Variants in TPP1 observed in about 807,000 individuals in gnomAD.
The protein encoded by TPP1 is tripeptidyl-peptidase 1.
A neutral mutation model predicts 67.6 loss-of-function variants in TPP1; 43 were observed. The ratio of observed to expected loss-of-function variants is 0.64; its 90% CI spans 0.50 to 0.82. TPP1 has a LOEUF of 0.82. TPP1 is among the 40% of genes least tolerant of loss of function. The probability of loss-of-function intolerance (pLI) is 0.00; values close to 1 mark genes in which losing one functional copy is unlikely to be tolerated. For missense variants in TPP1, 671 were observed against 710.9 expected (o/e 0.94, Z 0.64); for synonymous variants, 272 against 281.5 (o/e 0.97, Z 0.34).
At chr11:6,618,051 G>T in intron 3 of TPP1, 1 of 510,106 alleles carries the variant, frequency 2.0e-6, no homozygotes, top group South Asian at 2.2e-5. Context: ...AAATGAATGA[G>T]GTTAATACAT....
In TPP1 at chr11:6,613,950, G is replaced by C. The variant is rs1398431506; in HGVS notation, c.*596C>G. ...TGTTCCAGGGGACAATGAGTAAACTGAGAAGAGCAAAAATCTACAAATGGA... is the reference window on the plus strand; with the variant it reads ...TGTTCCAGGGGACAATGAGTAAACTCAGAAGAGCAAAAATCTACAAATGGA... On this transcript the variant is annotated 3_prime_UTR_variant, in exon 13 of 13. Transcript: ENST00000299427. 1 of 158,200 alleles carries C rather than the reference G, an allele frequency of 6.3e-6. No individual in the cohort carries two copies. The highest frequency in any genetic ancestry group is 1.9e-4 in the East Asian group (1 of 5,322). The allele number at this position is 158,200 out of a possible 1,614,324, so 9.8% of individuals were successfully genotyped here. A position where few individuals can be genotyped will look rare whatever the true frequency, so the allele number is the denominator to read the frequency against.
rs775734455 is a variant in TPP1 at position 6,617,789 on chromosome 11, A to T, written c.230-13T>A. On this transcript the variant is annotated splice_polypyrimidine_tract_variant and intron_variant, in intron 3 of 12. Coordinates refer to ENST00000299427, the MANE Select transcript of TPP1 (RefSeq NM_000391.4). ...GTCAGGTATTTTCCTGCAGGGATTC[A>T]GAAGAGGCACTTGCCCTCATTCATT... The T allele has an allele frequency of 1.2e-6, 2 of 1,614,156 alleles. No individual in the cohort carries two copies. Among genetic ancestry groups the T allele is most frequent in the Non-Finnish European group, 1.7e-6 (2 of 1,180,028 alleles).
intron 3 of TPP1, chr11:6,617,990 G>A: frequency 1.6e-6 from 1 of 629,044 alleles, no homozygotes; most frequent in East Asian, 2.8e-5. Context: ...TTACCCTAAA[G>A]GCCAGTAAGT....
chr11:6,616,929 AC>A (rs762967896), intron 6 of TPP1, 45 bp downstream of exon 6: 2 of 1,614,082 alleles, frequency 1.2e-6, no homozygotes, highest in Middle Eastern at 1.6e-4. Context: ...AATTGAGGAC[AC>A]TGTGGGGAGG....
chr11:6,615,098 G>A, intron 11 of TPP1, 73 bp downstream of exon 11: 8 of 1,613,820 alleles, frequency 5.0e-6, no homozygotes, highest in Non-Finnish European at 4.2e-6. Flanking sequence ...GGGGTTCTAG[G>A]TGCAAGGTGT....
intron 10 of TPP1, 33 bp downstream of exon 10, chr11:6,615,409 T>C (rs1388086017): frequency 6.2e-7 from 1 of 1,614,050 alleles, no homozygotes; most frequent in African/African-American, 1.3e-5. Flanking sequence ...ATCCTCACTC[T>C]TACCCTGCAT....
At chr11:6,615,881 AG>A (rs2134592678) in intron 9 of TPP1, 123 bp downstream of exon 9, 2 of 1,115,184 alleles carry the variant, frequency 1.8e-6, no homozygotes, top group East Asian at 4.9e-5. Context: ...TACAGCAACC[AG>A]GGCAGGCAAA....
rs755386210 is a variant in TPP1 at position 6,616,398 on chromosome 11, G to C, written c.992C>G (p.Ser331Cys). 1.1e-5 allele frequency: 17 copies of C among 1,613,880 alleles called. No individual in the cohort carries two copies. Among genetic ancestry groups the C allele is most frequent in the Non-Finnish European group, 1.4e-5 (17 of 1,180,022 alleles). ...CCGCTGGATGTAGGCGCTGCTGAGG[G>C]AGTCCTCATCATCTCCATAGCTCAC... ...HTVSYGDDED[S>C]LSSAYIQRVN... The change falls in exon 8 of 13, where the codon TCC (serine) becomes TGC (cysteine). Residue 331 changes from serine to cysteine, a missense_variant. Transcript: ENST00000299427.
Position 6,614,417 on chromosome 11 carries a change from G to A in TPP1, c.*129C>T. On this transcript the variant is annotated 3_prime_UTR_variant, in exon 13 of 13. Transcript: ENST00000299427. ...CAAGTCAAGCTCACAGCATTTCAGG[G>A]TTAGGGAGATAAGCTGTCTGCAGCA... The A allele has an allele frequency of 7.6e-7, 1 of 1,309,418 alleles. No homozygotes were observed. Among genetic ancestry groups the A allele is most frequent in the Non-Finnish European group, 1.1e-6 (1 of 927,654 alleles). The allele number at this position is 1,309,418 out of a possible 1,614,324, so 81.1% of individuals were successfully genotyped here. A position where few individuals can be genotyped will look rare whatever the true frequency, so the allele number is the denominator to read the frequency against.
chr11:6,619,335 T>C (rs1855634810), intron 1 of TPP1, 49 bp downstream of exon 1: 1 of 1,614,140 alleles, frequency 6.2e-7, no homozygotes, highest in Admixed American at 1.7e-5. Context: ...TCCCAATGTG[T>C]GCTCCCTCCA....
chr11:6,616,660 C>A lies in TPP1; in HGVS notation c.886+1G>T. ...CCACTGTCCAGTCCTCTTGGTAGTA[C>A]CAGGGCTACTGTAGACCCAGGTGGA... On this transcript the variant is annotated splice_donor_variant, in intron 7 of 12. Coordinates refer to ENST00000299427, the MANE Select transcript of TPP1 (RefSeq NM_000391.4). LOFTEE classifies it high-confidence loss of function. The A allele has an allele frequency of 6.2e-7, 1 of 1,614,040 alleles. No individual in the cohort carries two copies. The highest frequency in any genetic ancestry group is 8.5e-7 in the Non-Finnish European group (1 of 1,179,996).
chr11:6,614,444 TC>T lies in TPP1; in HGVS notation c.*101del. 6.6e-7 allele frequency: 1 copy of T among 1,518,732 alleles called. No homozygotes were observed. The allele number at this position is 1,518,732 out of a possible 1,614,324, so 94.1% of individuals were successfully genotyped here. On this transcript the variant is annotated 3_prime_UTR_variant, in exon 13 of 13. Coordinates refer to ENST00000299427, the MANE Select transcript of TPP1 (RefSeq NM_000391.4). Reference sequence around the variant, plus strand: ...TAGGGAGATAAGCTGTCTGCAGCAGTCAATAGTTGAGGGTTCAGCAGGGCTT... The same window carrying T: ...TAGGGAGATAAGCTGTCTGCAGCAGTAATAGTTGAGGGTTCAGCAGGGCTT...
intron 6 of TPP1, 21 bp downstream of exon 6, chr11:6,616,954 G>A (rs888318613): frequency 1.9e-6 from 3 of 1,614,132 alleles, no homozygotes; most frequent in South Asian, 1.1e-5. Flanking sequence ...TGAGGACCCT[G>A]GGGCTCTTTG....
At chr11:6,616,558 G>A in intron 7 of TPP1, 55 bp from the exon 8 acceptor site, 3 of 1,597,298 alleles carry the variant, frequency 1.9e-6, no homozygotes, top group Non-Finnish European at 2.6e-6. Context: ...AGTCACTGGG[G>A]GTTGTCAGGA....
At chr11:6,617,974 A>C in intron 3 of TPP1, 198 bp from the exon 4 acceptor site, 3 of 680,168 alleles carry the variant, frequency 4.4e-6, no homozygotes, top group Non-Finnish European at 5.0e-6. Context: ...GGCCAATAAT[A>C]TGGATTTACC....
chr11:6,618,906 TG>T lies in TPP1; in HGVS notation c.98del (p.Pro33GlnfsTer15). The T allele has an allele frequency of 6.2e-7, 1 of 1,613,274 alleles. No individual in the cohort carries two copies. Among genetic ancestry groups the T allele is most frequent in the Non-Finnish European group, 8.5e-7 (1 of 1,180,008 alleles). On this transcript the variant is annotated frameshift_variant, in exon 3 of 13. Transcript: ENST00000299427. LOFTEE classifies it high-confidence loss of function. ...PEPDQRRTLP[P>X]GWVSLGRADP... ...CCGCACGGCCCAGGGACACCCAGCC[TG>T]GGGGCAGCCTGTAGGGTCAGGGGTC...
chr11:6,618,058 A>T (rs1490773040), intron 3 of TPP1: 1 of 490,168 alleles, frequency 2.0e-6, no homozygotes, highest in African/African-American at 1.9e-5. Context: ...TGAGGTTAAT[A>T]CATATAAATT....
In TPP1 at chr11:6,614,451, T is replaced by C. The variant is rs1855543624; in HGVS notation, c.*95A>G. The C allele has an allele frequency of 1.3e-6, 2 of 1,558,548 alleles. No individual in the cohort carries two copies. Among genetic ancestry groups the C allele is most frequent in the Non-Finnish European group, 1.8e-6 (2 of 1,133,804 alleles). ...ATAAGCTGTCTGCAGCAGTCAATAG[T>C]TGAGGGTTCAGCAGGGCTTCCAACA... On this transcript the variant is annotated 3_prime_UTR_variant, in exon 13 of 13. Coordinates refer to ENST00000299427, the MANE Select transcript of TPP1 (RefSeq NM_000391.4).
At chr11:6,618,496 G>A (rs764593945) in intron 3 of TPP1, 43 of 592,872 alleles carry the variant, frequency 7.3e-5, no homozygotes, top group Non-Finnish European at 1.1e-4. Context: ...AGAACTGGCA[G>A]CCTTAGTATG....
Sources: gnomAD v4.1 joint callset for allele counts on GRCh38, gnomAD v4.1.1 for gene constraint, MANE v1.5 for transcripts, NCBI Gene and HGNC (gene_info 2026-07-23, HGNC 2026-07-21) for gene names.